UVRAG: variants seen among roughly 807,000 people sequenced by gnomAD.
UVRAG encodes the protein UV radiation resistance-associated gene protein.
Under a neutral mutation model 78.0 loss-of-function variants are expected in UVRAG, and 19 were observed. The ratio of observed to expected loss-of-function variants is 0.24; its 90% CI spans 0.17 to 0.36. UVRAG has a LOEUF of 0.36. Ranked by LOEUF, UVRAG falls within the 10% of genes least tolerant of loss-of-function variation. The pLI is 1.00. For synonymous variants in UVRAG, 323 were observed against 324.6 expected, an observed-to-expected ratio of 1.00 and a Z score of 0.05; for missense variants, 740 against 853.8, an observed-to-expected ratio of 0.87 and a Z score of 1.66.
chr11:76,031,748 A>G (rs1461040636), intron 12 of UVRAG, among the ~76,000 whole-genome samples: 1 of 152,138 alleles, frequency 6.6e-6, no homozygotes, highest in African/African-American at 2.4e-5. Flanking sequence ...GGAATAATAT[A>G]TTTAGTTAAT....
At chr11:75,889,541 C>A (rs1479397270) in intron 5 of UVRAG, among the ~76,000 whole-genome samples, 1 of 152,220 alleles carries the variant, frequency 6.6e-6, no homozygotes. Flanking sequence ...AGGTTGCCTG[C>A]CTCTAAAGCC....
chr11:76,132,871 T>G (rs74887009), intron 14 of UVRAG, among the ~76,000 whole-genome samples: 1,557 of 152,272 alleles, frequency 0.01, 30 homozygotes, highest in African/African-American at 0.035. Context: ...AATGTAGATG[T>G]TTTGGTGACA....
chr11:75,882,197 G>A (rs557940567), intron 4 of UVRAG, among the ~76,000 whole-genome samples: 35 of 152,158 alleles, frequency 2.3e-4, no homozygotes, highest in Middle Eastern at 3.4e-3. Context: ...ACTTAATTCT[G>A]CATTTTTTCA....
chr11:75,889,522 T>C (rs1298161379), intron 5 of UVRAG, among the ~76,000 whole-genome samples: 1 of 152,248 alleles, frequency 6.6e-6, no homozygotes, highest in African/African-American at 2.4e-5. Context: ...GTAGCTGAGC[T>C]GAAATTTCAG....
At position 75,877,047 on chromosome 11, in the gene UVRAG, ACT is replaced by A. The variant is rs572159526; in HGVS notation, c.271-2829_271-2828del. Among the ~76,000 whole-genome samples, 517 of 150,654 alleles carry A rather than the reference ACT, an allele frequency of 3.4e-3. 1 individual carries two copies. The highest frequency in any genetic ancestry group is 0.011 in the African/African-American group (466 of 40,628). ...TACTTGAGATTAGGGAGTGGTGATG[ACT>A]CTTAACGAGCATGCTGCCTTCAAGC... On this transcript the variant is annotated intron_variant, in intron 3 of 14. Coordinates refer to ENST00000356136, the MANE Select transcript of UVRAG (RefSeq NM_003369.4).
intron 4 of UVRAG, among the ~76,000 whole-genome samples, chr11:75,883,933 G>A: frequency 6.6e-6 from 1 of 152,088 alleles, no homozygotes; most frequent in Non-Finnish European, 1.5e-5. Context: ...ATAGGTCTTT[G>A]TGTTTCTTTT....
At chr11:76,003,710 T>C (rs766347178) in intron 8 of UVRAG, among the ~76,000 whole-genome samples, 3 of 152,228 alleles carry the variant, frequency 2.0e-5, no homozygotes, top group Non-Finnish European at 4.4e-5. Context: ...AGTCTGAATT[T>C]TGATATCTTA....
At chr11:75,864,401 T>G (rs917578201) in intron 3 of UVRAG, among the ~76,000 whole-genome samples, 1 of 152,218 alleles carries the variant, frequency 6.6e-6, no homozygotes, top group African/African-American at 2.4e-5. Context: ...CTTAGCTTTT[T>G]GCTAATTCAT....
intron 1 of UVRAG, among the ~76,000 whole-genome samples, chr11:75,824,477 G>C (rs10899136): frequency 0.12 from 17,903 of 151,088 alleles, 1,197 homozygotes; most frequent in East Asian, 0.23. Context: ...CTTTGTGGTA[G>C]AAAATTCAGA....
chr11:76,016,790 T>G, intron 11 of UVRAG, 25 bp from the exon 12 acceptor site: 1 of 1,569,912 alleles, frequency 6.4e-7, no homozygotes, highest in African/African-American at 1.3e-5. Flanking sequence ...AGTTATTTTC[T>G]TTTCCTCTGC....
intron 1 of UVRAG, among the ~76,000 whole-genome samples, chr11:75,828,754 CAT>C (rs776673600): frequency 0.071 from 5,549 of 78,198 alleles, 129 homozygotes; most frequent in African/African-American, 0.11. Flanking sequence ...TATACACACA[CAT>C]ATATATATAT....
At chr11:75,872,391 C>CTT (rs558324580) in intron 3 of UVRAG, among the ~76,000 whole-genome samples, 9,145 of 137,160 alleles carry the variant, frequency 0.067, 531 homozygotes, top group African/African-American at 0.15. Flanking sequence ...CTAATGCTGC[C>CTT]TTTTTTTTTT....
chr11:76,052,620 C>T (rs1313216152), intron 12 of UVRAG, among the ~76,000 whole-genome samples: 2 of 152,222 alleles, frequency 1.3e-5, no homozygotes, highest in African/African-American at 2.4e-5. Context: ...TTTTGAGATT[C>T]GCTTGACCTG....
chr11:75,981,461 T>G (rs538822846), intron 7 of UVRAG, among the ~76,000 whole-genome samples: 308 of 151,976 alleles, frequency 2.0e-3, no homozygotes, highest in Non-Finnish European at 2.1e-3. Context: ...CGTTTTTTTT[T>G]TGTGTGTGTG....
At chr11:76,047,337 G>C (rs1312504574) in intron 12 of UVRAG, among the ~76,000 whole-genome samples, 1 of 152,172 alleles carries the variant, frequency 6.6e-6, no homozygotes, top group African/African-American at 2.4e-5. Flanking sequence ...GATGTGTTTA[G>C]GAAAGAAGTC....
rs572118480 is a variant in UVRAG, at chr11:76,140,934, G to A, written c.1621G>A (p.Glu541Lys). 35 of 1,614,142 alleles carry A rather than the reference G, an allele frequency of 2.2e-5. No homozygotes were observed. In the East Asian group the frequency reaches 2.5e-4, roughly 11 times the overall value. The change falls in exon 15 of 15, where the codon GAG becomes AAG. Residue 541 changes from glutamate (E) to lysine (K), a missense_variant. By Grantham distance (56) the Glu-to-Lys change is moderately conservative (BLOSUM62 1). Coordinates refer to ENST00000356136, the MANE Select transcript of UVRAG (RefSeq NM_003369.4). ...CACCGTCCCCTCCATGGGAGAGACC[G>A]AGAGAAAGATAACATCTCTATCCTC... ...VTTVPSMGET[E>K]RKITSLSSSL...
chr11:75,825,586 A>C (rs999391054), intron 1 of UVRAG, among the ~76,000 whole-genome samples: 1 of 152,120 alleles, frequency 6.6e-6, no homozygotes, highest in Middle Eastern at 3.2e-3. Context: ...TTTCCATCTT[A>C]TTTTAAGATG....
chr11:76,016,805 G>A lies in UVRAG; in HGVS notation c.1061-10G>A, dbSNP rs200023456. ...AGTTATTTTCTTTTCCTCTGCTTTTGAATTTACAGCAAAAGATGATGGAAG... is the reference window on the plus strand; with the variant it reads ...AGTTATTTTCTTTTCCTCTGCTTTTAAATTTACAGCAAAAGATGATGGAAG... On this transcript the variant is annotated splice_polypyrimidine_tract_variant and intron_variant, in intron 11 of 14. Coordinates refer to ENST00000356136, the MANE Select transcript of UVRAG (RefSeq NM_003369.4). 4 of 1,576,828 alleles carry A rather than the reference G, an allele frequency of 2.5e-6. No homozygotes were observed. The South Asian group carries it at 4.9e-5, about 19-fold the overall frequency.
chr11:76,023,877 A>G (rs1950286694), intron 12 of UVRAG, among the ~76,000 whole-genome samples: 2 of 152,162 alleles, frequency 1.3e-5, no homozygotes, highest in Non-Finnish European at 2.9e-5. Context: ...CTGGAGGGAT[A>G]GGTCTTTGGC....
Sources: gnomAD v4.1 joint callset for allele counts (sites outside exome capture counted in the v4.1 genomes callset) on GRCh38, gnomAD v4.1.1 for gene constraint, MANE v1.5 for transcripts, NCBI Gene and HGNC (gene_info 2026-07-23, HGNC 2026-07-21) for gene names.